SGCZ: variants seen among roughly 807,000 people sequenced by gnomAD.
SGCZ encodes the protein sarcoglycan zeta, also known as zeta-sarcoglycan.
In SGCZ, 40 loss-of-function variants were observed where a neutral mutation model predicts 41.3. That is an observed-to-expected ratio of 0.97 (90% confidence interval 0.75 to 1.26). SGCZ has a LOEUF of 1.26. SGCZ is among the 50% of genes most tolerant of loss of function. The pLI is 0.00. For synonymous variants in SGCZ, 206 were observed against 137.5 expected (o/e 1.50, Z -3.49); for missense variants, 552 against 369.8 (o/e 1.49, Z -4.04).
At chr8:14,222,805 T>C (rs1485228297) in intron 4 of SGCZ, among the ~76,000 whole-genome samples, 1 of 94,680 alleles carries the variant, frequency 1.1e-5, no homozygotes. Context: ...TTTTTTTTTT[T>C]TTTTTTTTTT....
intron 2 of SGCZ, among the ~76,000 whole-genome samples, chr8:14,532,490 G>C (rs188000809): frequency 1.8e-4 from 27 of 151,984 alleles, no homozygotes; most frequent in Admixed American, 9.2e-4. Context: ...TTTTAAAACT[G>C]GTGTTTCAGA....
At chr8:14,163,145 G>A (rs1335581298) in intron 5 of SGCZ, among the ~76,000 whole-genome samples, 1 of 152,172 alleles carries the variant, frequency 6.6e-6, no homozygotes, top group Non-Finnish European at 1.5e-5. Flanking sequence ...TTATAGGCAT[G>A]AGCCACTATG....
intron 1 of SGCZ, among the ~76,000 whole-genome samples, chr8:14,578,521 T>G (rs1336294357): frequency 6.6e-6 from 1 of 152,198 alleles, no homozygotes; most frequent in African/African-American, 2.4e-5. Context: ...CAACAGAGAT[T>G]ATATATTATT....
At chr8:14,461,855 C>G (rs1800910789) in intron 2 of SGCZ, among the ~76,000 whole-genome samples, 1 of 152,056 alleles carries the variant, frequency 6.6e-6, no homozygotes, top group South Asian at 2.1e-4. Flanking sequence ...TAAGCTCTTT[C>G]AGGACCAATG....
chr8:14,537,046 A>G (rs578199966), intron 2 of SGCZ, among the ~76,000 whole-genome samples: 37 of 152,022 alleles, frequency 2.4e-4, no homozygotes, highest in Non-Finnish European at 3.7e-4. Flanking sequence ...AGGCAATGCA[A>G]TTGTTCCTGC....
At chr8:14,593,548 C>T (rs1669709610) in intron 1 of SGCZ, among the ~76,000 whole-genome samples, 1 of 152,140 alleles carries the variant, frequency 6.6e-6, no homozygotes, top group African/African-American at 2.4e-5. Context: ...CTTTGATTCT[C>T]ATGTCACAGG....
chr8:14,485,797 T>C (rs1476816787), intron 2 of SGCZ, among the ~76,000 whole-genome samples: 1 of 151,666 alleles, frequency 6.6e-6, no homozygotes, highest in Non-Finnish European at 1.5e-5. Flanking sequence ...CACAAGGACA[T>C]ACGCTGTTTA....
At chr8:14,339,424 G>A (rs887377332) in intron 2 of SGCZ, among the ~76,000 whole-genome samples, 1 of 152,192 alleles carries the variant, frequency 6.6e-6, no homozygotes, top group Non-Finnish European at 1.5e-5. Flanking sequence ...AAATTATGAT[G>A]TTTAATGGGA....
intron 1 of SGCZ, among the ~76,000 whole-genome samples, chr8:15,136,501 C>T (rs1429452352): frequency 6.6e-6 from 1 of 151,952 alleles, no homozygotes; most frequent in African/African-American, 2.4e-5. Flanking sequence ...TTGGCTGAGT[C>T]CCCACCCAAA....
At chr8:14,594,659 C>T (rs73664403) in intron 1 of SGCZ, among the ~76,000 whole-genome samples, 1,557 of 151,968 alleles carry the variant, frequency 0.01, 61 homozygotes, top group African/African-American at 0.035. Flanking sequence ...TTTTCAGGCA[C>T]TCTAAAAGGG....
chr8:14,462,246 T>C (rs1354554171), intron 2 of SGCZ, among the ~76,000 whole-genome samples: 4 of 151,668 alleles, frequency 2.6e-5, no homozygotes, highest in Non-Finnish European at 5.9e-5. Context: ...CAACTAACTA[T>C]ACTAAATGGA....
intron 1 of SGCZ, among the ~76,000 whole-genome samples, chr8:14,698,545 G>A (rs17268361): frequency 0.38 from 57,111 of 151,708 alleles, 13,370 homozygotes; most frequent in Non-Finnish European, 0.53. Context: ...AATTTAGCAT[G>A]AGACAAAATG....
At chr8:15,038,867 G>C (rs867293433) in intron 1 of SGCZ, among the ~76,000 whole-genome samples, 19 of 139,546 alleles carry the variant, frequency 1.4e-4, no homozygotes, top group South Asian at 2.3e-4. Context: ...CAGGCCAAAA[G>C]ATATGCGAAA....
At chr8:14,326,651 A>G (rs150536326) in intron 2 of SGCZ, among the ~76,000 whole-genome samples, 1 of 152,298 alleles carries the variant, frequency 6.6e-6, no homozygotes, top group East Asian at 1.9e-4. Context: ...CAGGAAACCA[A>G]CCCAAAATGA....
At chr8:14,192,109 T>G (rs1424310361) in intron 4 of SGCZ, among the ~76,000 whole-genome samples, 1 of 152,058 alleles carries the variant, frequency 6.6e-6, no homozygotes, top group Admixed American at 6.6e-5. Context: ...ATATATAAAG[T>G]GGTACTTCCT....
At chr8:14,351,111 T>G (rs898653528) in intron 2 of SGCZ, among the ~76,000 whole-genome samples, 2 of 152,114 alleles carry the variant, frequency 1.3e-5, no homozygotes, top group Non-Finnish European at 2.9e-5. Flanking sequence ...TTCCTAATTT[T>G]CATTAATGCT....
chr8:14,273,232 A>G (rs1351208328), intron 3 of SGCZ, among the ~76,000 whole-genome samples: 1 of 152,120 alleles, frequency 6.6e-6, no homozygotes, highest in Non-Finnish European at 1.5e-5. Flanking sequence ...ACTTTTGCAT[A>G]TGTTAGCCTC....
chr8:14,950,748 T>C (rs1400795293), intron 1 of SGCZ, among the ~76,000 whole-genome samples: 1 of 151,760 alleles, frequency 6.6e-6, no homozygotes, highest in Non-Finnish European at 1.5e-5. Flanking sequence ...TACATAAGAG[T>C]TGAATGCATG....
chr8:15,018,158 C>A (rs1803110430), intron 1 of SGCZ, among the ~76,000 whole-genome samples: 1 of 152,202 alleles, frequency 6.6e-6, no homozygotes, highest in South Asian at 2.1e-4. Flanking sequence ...CACCCCCCAG[C>A]ACAAAACCTA....
Sources: gnomAD v4.1 joint callset for allele counts (sites outside exome capture counted in the v4.1 genomes callset) on GRCh38, gnomAD v4.1.1 for gene constraint, MANE v1.5 for transcripts, NCBI Gene and HGNC (gene_info 2026-07-23, HGNC 2026-07-21) for gene names.